The following RBM46 variants were observed in gnomAD, a reference collection of about 807,000 sequenced individuals.
RBM46 encodes probable RNA-binding protein 46.
RBM46 carries 12 observed loss-of-function variants against 43.3 expected under a neutral mutation model. The ratio of observed to expected loss-of-function variants is 0.28; its 90% confidence interval spans 0.18 to 0.45. The LOEUF is 0.45. Among genes scored for constraint, RBM46 ranks in the 20% least tolerant of loss-of-function variants. The pLI is 1.00. For missense variants in RBM46, 412 were observed against 639.1 expected, an observed-to-expected ratio of 0.64 and a Z score of 3.83; for synonymous variants, 205 against 207.6, an observed-to-expected ratio of 0.99 and a Z score of 0.11.
chr4:154,827,143 AT>A, intron 4 of RBM46: 1 of 952,534 alleles, frequency 1.0e-6, no homozygotes, highest in South Asian at 5.0e-5. Flanking sequence ...CATAAGATGA[AT>A]GTTTATTGTG....
intron 1 of RBM46, among the ~76,000 whole-genome samples, chr4:154,793,295 T>TA (rs1734192340): frequency 6.6e-6 from 1 of 152,236 alleles, no homozygotes; most frequent in South Asian, 2.1e-4. Context: ...TCTAGACTGT[T>TA]ATTTCTATAT....
At chr4:154,794,069 G>A (rs2111116881) in intron 1 of RBM46, among the ~76,000 whole-genome samples, 1 of 151,766 alleles carries the variant, frequency 6.6e-6, no homozygotes, top group South Asian at 2.1e-4. Flanking sequence ...AGAAAATTCT[G>A]TTGGATGTAC....
At chr4:154,787,647 T>C (rs547447325) in intron 1 of RBM46, among the ~76,000 whole-genome samples, 491 of 152,320 alleles carry the variant, frequency 3.2e-3, no homozygotes, top group African/African-American at 0.011. Flanking sequence ...TAAACATACA[T>C]GTGCATGTGT....
chr4:154,789,793 C>G, intron 1 of RBM46, among the ~76,000 whole-genome samples: 1 of 152,146 alleles, frequency 6.6e-6, no homozygotes. Flanking sequence ...GGCTTTGAAT[C>G]CATCTGGTCC....
chr4:154,815,620 T>G lies in RBM46; in HGVS notation c.1403-12248T>G, dbSNP rs149477217. Among the ~76,000 whole-genome samples the G allele has an allele frequency of 6.8e-3, 1,031 of 152,178 alleles. 14 individuals carry two copies. Among genetic ancestry groups the G allele is most frequent in the African/African-American group, 0.024 (994 of 41,564 alleles). The stretch of plus-strand genomic sequence containing the variant: ...CTATTGTATTGGTGAAGTATCTTTC[T>G]TGTTCAAGTCTTGCTCCTTCATTTT... On this transcript the variant is annotated intron_variant, in intron 4 of 4. Coordinates refer to ENST00000281722, the MANE Select transcript of RBM46 (RefSeq NM_144979.5).
At chr4:154,788,768 C>T (rs1399817855) in intron 1 of RBM46, among the ~76,000 whole-genome samples, 1 of 152,086 alleles carries the variant, frequency 6.6e-6, no homozygotes, top group Non-Finnish European at 1.5e-5. Flanking sequence ...TCTAAATTAC[C>T]TTTGGCAGTA....
Position 154,810,925 on chromosome 4 carries a change from T to C in RBM46, c.1402+11361T>C, listed in dbSNP as rs73855234. On this transcript the variant is annotated intron_variant, in intron 4 of 4. Transcript: ENST00000281722. ...TGCTTACTATTCATTCCTTTAGGCT[T>C]CTCATGTTTAGTTTATTAACTGGCA... 9.9e-3 allele frequency among the ~76,000 whole-genome samples: 1,502 copies of C among 152,298 alleles called. 13 individuals carry two copies. The highest frequency in any genetic ancestry group is 0.034 in the African/African-American group (1,418 of 41,550).
chr4:154,800,254 G>A (rs1262174522), intron 4 of RBM46, among the ~76,000 whole-genome samples: 1 of 152,008 alleles, frequency 6.6e-6, no homozygotes, highest in African/African-American at 2.4e-5. Flanking sequence ...TGCATCTTTG[G>A]TGAAGTCTAC....
chr4:154,800,625 C>T (rs1483202139), intron 4 of RBM46, among the ~76,000 whole-genome samples: 3 of 151,230 alleles, frequency 2.0e-5, no homozygotes, highest in East Asian at 3.9e-4. Context: ...CTCCACCCCC[C>T]AAAACCTGTT....
intron 4 of RBM46, chr4:154,827,632 C>T: frequency 7.8e-7 from 1 of 1,280,218 alleles, no homozygotes; most frequent in Non-Finnish European, 9.8e-7. Context: ...AGAATTCATT[C>T]TGGTAAGATC....
At chr4:154,795,528 T>G (rs1191894332) in intron 1 of RBM46, among the ~76,000 whole-genome samples, 6 of 152,194 alleles carry the variant, frequency 3.9e-5, no homozygotes, top group African/African-American at 1.4e-4. Flanking sequence ...GACAGGATCT[T>G]GCCCTGTTGC....
chr4:154,801,764 A>G (rs1453564032), intron 4 of RBM46, among the ~76,000 whole-genome samples: 1 of 152,212 alleles, frequency 6.6e-6, no homozygotes, highest in African/African-American at 2.4e-5. Context: ...TTCAGATTCT[A>G]TATGGAAGCA....
At position 154,798,882 on chromosome 4, in the gene RBM46, A is replaced by G; in HGVS notation, c.720A>G (p.Val240=). 4 of 1,610,824 alleles carry G rather than the reference A, an allele frequency of 2.5e-6. No individual in the cohort carries two copies. Among genetic ancestry groups the G allele is most frequent in the Non-Finnish European group, 3.4e-6 (4 of 1,178,296 alleles). The change falls in exon 4 of 5, where the codon GTA becomes GTG. Residue 240 remains valine (V), a synonymous_variant. Transcript: ENST00000281722. ...ETMQRVKVLY[V]RNLMISTTEE... Reference sequence around the variant, plus strand: ...TGCAGAGAGTTAAAGTTCTTTATGTAAGAAATTTAATGATCTCAACTACAG... The same window carrying G: ...TGCAGAGAGTTAAAGTTCTTTATGTGAGAAATTTAATGATCTCAACTACAG...
intron 4 of RBM46, among the ~76,000 whole-genome samples, chr4:154,812,049 A>G (rs540833866): frequency 1.3e-5 from 2 of 149,048 alleles, no homozygotes; most frequent in South Asian, 2.1e-4. Flanking sequence ...AACAGGCTTC[A>G]GTATGTTAAA....
intron 4 of RBM46, among the ~76,000 whole-genome samples, chr4:154,826,301 T>C (rs1735959750): frequency 6.6e-6 from 1 of 151,798 alleles, no homozygotes; most frequent in Non-Finnish European, 1.5e-5. Context: ...CTACTAAAAA[T>C]ACAAAAATTA....
intron 3 of RBM46, among the ~76,000 whole-genome samples, chr4:154,798,540 C>T (rs1377764858): frequency 6.6e-6 from 1 of 152,134 alleles, no homozygotes. Flanking sequence ...AAGGGCAACA[C>T]TTAATTCTTC....
chr4:154,814,533 C>A (rs1483390527), intron 4 of RBM46, among the ~76,000 whole-genome samples: 1 of 151,914 alleles, frequency 6.6e-6, no homozygotes, highest in Non-Finnish European at 1.5e-5. Context: ...AATTCTTATA[C>A]ATTGGTAATT....
At chr4:154,812,634 T>C (rs897375772) in intron 4 of RBM46, among the ~76,000 whole-genome samples, 4 of 152,220 alleles carry the variant, frequency 2.6e-5, no homozygotes. Context: ...CCATATAATT[T>C]ATCAGTCCGA....
intron 1 of RBM46, among the ~76,000 whole-genome samples, chr4:154,786,150 G>A (rs1427260943): frequency 6.6e-6 from 1 of 152,112 alleles, no homozygotes; most frequent in African/African-American, 2.4e-5. Flanking sequence ...GCAGTGGCAC[G>A]ATCTCAGCTC....
Sources: gnomAD v4.1 joint callset for allele counts (sites outside exome capture counted in the v4.1 genomes callset) on GRCh38, gnomAD v4.1.1 for gene constraint, MANE v1.5 for transcripts, NCBI Gene and HGNC (gene_info 2026-07-23, HGNC 2026-07-21) for gene names.